The following MEIKIN variants were observed in gnomAD, a reference collection of about 807,000 sequenced individuals.
MEIKIN encodes meiosis-specific kinetochore protein.
intron 7 of MEIKIN, among the ~76,000 whole-genome samples, chr5:131,915,019 G>C (rs1295264280): frequency 6.6e-6 from 1 of 152,106 alleles, no homozygotes; most frequent in East Asian, 1.9e-4. Flanking sequence ...CAGAGAGGGG[G>C]CATCAGTTAG....
At chr5:131,891,781 T>A (rs1468042058) in intron 8 of MEIKIN, among the ~76,000 whole-genome samples, 2 of 152,218 alleles carry the variant, frequency 1.3e-5, no homozygotes, top group African/African-American at 4.8e-5. Flanking sequence ...GTTATTTTGC[T>A]CATTAGTTGA....
At chr5:131,835,967 G>T (rs1375613349) in intron 11 of MEIKIN, among the ~76,000 whole-genome samples, 1 of 152,070 alleles carries the variant, frequency 6.6e-6, no homozygotes, top group Non-Finnish European at 1.5e-5. Context: ...CATATCATGG[G>T]GGTTTGTTGC....
chr5:131,868,165 T>C (rs150408119), intron 9 of MEIKIN, among the ~76,000 whole-genome samples: 2 of 152,224 alleles, frequency 1.3e-5, no homozygotes, highest in South Asian at 2.1e-4. Flanking sequence ...TCACAGTTCA[T>C]TGCAGCCTTG....
intron 11 of MEIKIN, among the ~76,000 whole-genome samples, chr5:131,836,714 T>C (rs969852448): frequency 6.6e-6 from 1 of 152,088 alleles, no homozygotes; most frequent in East Asian, 1.9e-4. Flanking sequence ...AAAGTGTCTG[T>C]GCATGTCCTT....
chr5:131,927,125 T>C (rs1421763880), intron 5 of MEIKIN, among the ~76,000 whole-genome samples: 5 of 152,212 alleles, frequency 3.3e-5, no homozygotes, highest in Admixed American at 6.5e-5. Flanking sequence ...TAGTTATTGT[T>C]ATAAAATTCC....
At chr5:131,833,327 C>A (rs1010607502) in intron 11 of MEIKIN, among the ~76,000 whole-genome samples, 4 of 152,206 alleles carry the variant, frequency 2.6e-5, no homozygotes, top group African/African-American at 7.2e-5. Context: ...TAGTTCCCAA[C>A]AAGTTCCTCA....
intron 7 of MEIKIN, among the ~76,000 whole-genome samples, chr5:131,913,944 G>A (rs552303042): frequency 4.6e-5 from 7 of 152,186 alleles, no homozygotes; most frequent in Non-Finnish European, 1.0e-4. Context: ...GTAGTATTGA[G>A]AGACAGGGTC....
intron 8 of MEIKIN, among the ~76,000 whole-genome samples, chr5:131,880,749 C>T (rs1319635909): frequency 2.0e-5 from 3 of 152,194 alleles, no homozygotes; most frequent in Non-Finnish European, 4.4e-5. Context: ...ATTACAAAGT[C>T]CTTCTTTTTA....
chr5:131,844,373 C>A (rs1158877081), intron 11 of MEIKIN, among the ~76,000 whole-genome samples: 1 of 152,182 alleles, frequency 6.6e-6, no homozygotes, highest in Non-Finnish European at 1.5e-5. Flanking sequence ...ACAGTAATCT[C>A]CAAGAGATTG....
Position 131,881,893 on chromosome 5 carries a change from T to G in MEIKIN, c.704-2845A>C, listed in dbSNP as rs546625472. ...TATATATATGAAATTATATAGTATA[T>G]ACATGTGTGTTCTTTCACAAAACTT... On this transcript the variant is annotated intron_variant, in intron 8 of 12. Transcript: ENST00000442687. Among the ~76,000 whole-genome samples, 89 of 152,160 alleles carry G rather than the reference T, an allele frequency of 5.8e-4. 1 individual carries two copies. The highest frequency in any genetic ancestry group is 7.1e-4 in the Non-Finnish European group (48 of 68,018).
intron 5 of MEIKIN, among the ~76,000 whole-genome samples, chr5:131,930,697 T>C (rs1469365011): frequency 2.0e-5 from 3 of 152,134 alleles, no homozygotes; most frequent in Non-Finnish European, 4.4e-5. Context: ...AGCATAATCA[T>C]AGCTCACTGT....
intron 5 of MEIKIN, among the ~76,000 whole-genome samples, chr5:131,925,458 ATT>A (rs1751572274): frequency 1.3e-5 from 2 of 152,082 alleles, no homozygotes; most frequent in East Asian, 3.8e-4. Flanking sequence ...TTTATTCATC[ATT>A]GTTTTCCAGC....
At chr5:131,854,418 G>A (rs1750162309) in intron 10 of MEIKIN, among the ~76,000 whole-genome samples, 1 of 152,106 alleles carries the variant, frequency 6.6e-6, no homozygotes, top group African/African-American at 2.4e-5. Context: ...GAATAGTGGT[G>A]ATGGTTGCAT....
At chr5:131,897,600 T>C (rs1001250663) in intron 8 of MEIKIN, among the ~76,000 whole-genome samples, 2 of 152,148 alleles carry the variant, frequency 1.3e-5, no homozygotes, top group African/African-American at 2.4e-5. Flanking sequence ...TCATTCCTTT[T>C]CCTCTAATCT....
chr5:131,872,978 T>C (rs1036175350), intron 9 of MEIKIN, among the ~76,000 whole-genome samples: 4 of 152,128 alleles, frequency 2.6e-5, no homozygotes, highest in African/African-American at 9.7e-5. Context: ...AGGCCTGCCC[T>C]AAAAGAGCTC....
chr5:131,899,837 A>G, intron 8 of MEIKIN, among the ~76,000 whole-genome samples: 1 of 152,244 alleles, frequency 6.6e-6, no homozygotes, highest in Non-Finnish European at 1.5e-5. Context: ...TATTACAGCT[A>G]AAGAGAAAAA....
At chr5:131,935,279 A>C (rs1468138372) in intron 4 of MEIKIN, among the ~76,000 whole-genome samples, 3 of 150,500 alleles carry the variant, frequency 2.0e-5, no homozygotes, top group Non-Finnish European at 4.4e-5. Flanking sequence ...AAAAAAAAAA[A>C]AAAAAAAAAA....
At chr5:131,809,204 T>A (rs887892374) in intron 12 of MEIKIN, among the ~76,000 whole-genome samples, 2 of 152,186 alleles carry the variant, frequency 1.3e-5, no homozygotes, top group Non-Finnish European at 2.9e-5. Flanking sequence ...GCATATGATA[T>A]CCAGACTCAA....
At chr5:131,831,887 G>A (rs940390470) in intron 11 of MEIKIN, among the ~76,000 whole-genome samples, 1 of 152,152 alleles carries the variant, frequency 6.6e-6, no homozygotes, top group Non-Finnish European at 1.5e-5. Context: ...GAACAGCATA[G>A]GAAAGACTGG....
Sources: allele counts gnomAD v4.1 joint callset (sites outside exome capture counted in the v4.1 genomes callset), GRCh38; gene constraint gnomAD v4.1.1; transcripts MANE v1.5; gene names NCBI Gene and HGNC (gene_info 2026-07-23, HGNC 2026-07-21).